Variants in SAMD4A observed in about 807,000 individuals in gnomAD.
SAMD4A encodes the protein sterile alpha motif domain containing 4A.
In SAMD4A, 33 loss-of-function variants were observed where a neutral mutation model predicts 81.3. The observed-to-expected ratio is 0.41, with a 90% CI of 0.31 to 0.54. The LOEUF is 0.54. SAMD4A is among the 20% of genes least tolerant of loss of function. SAMD4A has a pLI of 0.37. For missense variants in SAMD4A, 854 were observed against 951.1 expected (o/e 0.90, Z 1.34); for synonymous variants, 389 against 382.1 (o/e 1.02, Z -0.21).
chr14:54,718,316 T>A (rs2037173595), intron 3 of SAMD4A, among the ~76,000 whole-genome samples: 1 of 152,236 alleles, frequency 6.6e-6, no homozygotes, highest in South Asian at 2.1e-4. Context: ...AGATTTCATG[T>A]TTACTTCTTG....
intron 2 of SAMD4A, among the ~76,000 whole-genome samples, chr14:54,670,351 CAAAACCACG>C (rs2035853693): frequency 6.6e-6 from 1 of 152,100 alleles, no homozygotes; most frequent in Admixed American, 6.5e-5. Context: ...CATAAAAGAC[CAAAACCACG>C]AAATCCAGGA....
At chr14:54,574,255 G>A (rs2033218951) in intron 2 of SAMD4A, among the ~76,000 whole-genome samples, 1 of 152,218 alleles carries the variant, frequency 6.6e-6, no homozygotes, top group Non-Finnish European at 1.5e-5. Flanking sequence ...CAGTTGCTAA[G>A]TGCTGTGGTT....
chr14:54,616,152 C>T (rs2034485740), intron 2 of SAMD4A, among the ~76,000 whole-genome samples: 1 of 152,192 alleles, frequency 6.6e-6, no homozygotes, highest in Non-Finnish European at 1.5e-5. Context: ...CATAAACCTT[C>T]CCATAGGAAA....
intron 2 of SAMD4A, among the ~76,000 whole-genome samples, chr14:54,665,466 A>G (rs1292910957): frequency 6.6e-6 from 1 of 152,234 alleles, no homozygotes; most frequent in Non-Finnish European, 1.5e-5. Context: ...GCTTCTTTCA[A>G]GTTAATGGGG....
intron 2 of SAMD4A, chr14:54,693,455 G>C (rs1407440536): frequency 1.3e-5 from 2 of 152,234 alleles, no homozygotes; most frequent in Non-Finnish European, 2.9e-5. Flanking sequence ...CTAGTACTTT[G>C]GGAGGCTGAG....
In SAMD4A at chr14:54,748,723, C is replaced by T. The variant is rs997329332; in HGVS notation, c.980-92C>T. ...TCTTTTTTTTTCCTTTGACCATCAC[C>T]CTCTTTTCCTTTCTCTGTTCCTACA... On this transcript the variant is annotated intron_variant, in intron 4 of 12. Coordinates refer to ENST00000554335, the MANE Select transcript of SAMD4A (RefSeq NM_015589.6). 7.2e-6 allele frequency: 6 copies of T among 831,002 alleles called. No individual in the cohort carries two copies. In the African/African-American group the frequency reaches 8.6e-5, roughly 12 times the overall value. 51.5% of individuals were successfully genotyped at this position (831,002 alleles called of 1,614,324 possible). A position where few individuals can be genotyped will look rare whatever the true frequency, so the allele number is the denominator to read the frequency against.
At chr14:54,628,568 AG>A (rs1190220438) in intron 2 of SAMD4A, among the ~76,000 whole-genome samples, 1 of 152,136 alleles carries the variant, frequency 6.6e-6, no homozygotes, top group Non-Finnish European at 1.5e-5. Flanking sequence ...AATGCTTCCT[AG>A]GGGAGTCTTT....
intron 2 of SAMD4A, among the ~76,000 whole-genome samples, chr14:54,603,708 A>C (rs544059157): frequency 6.6e-6 from 1 of 151,964 alleles, no homozygotes; most frequent in South Asian, 2.1e-4. Context: ...GGACACTTAT[A>C]GTTCTTTTAC....
intron 2 of SAMD4A, among the ~76,000 whole-genome samples, chr14:54,589,553 G>A (rs2033718680): frequency 6.6e-6 from 1 of 152,122 alleles, no homozygotes; most frequent in Non-Finnish European, 1.5e-5. Context: ...TGTGTGGGAA[G>A]CACGTATGTC....
At position 54,727,734 on chromosome 14, in the gene SAMD4A, A is replaced by G. The variant is rs2037461373; in HGVS notation, c.716-9290A>G. Among the ~76,000 whole-genome samples, 3 of 152,260 alleles carry G rather than the reference A, an allele frequency of 2.0e-5. No homozygotes were observed. The South Asian group carries it at 6.2e-4, about 32-fold the overall frequency. Reference sequence around the variant, plus strand: ...GAGTATTGACTCAGGTTCCAAATGAATTTTAGCAATATGTGAGTTTACAAA... The same window carrying G: ...GAGTATTGACTCAGGTTCCAAATGAGTTTTAGCAATATGTGAGTTTACAAA... On this transcript the variant is annotated intron_variant, in intron 3 of 12. Transcript: ENST00000554335.
chr14:54,609,398 C>A (rs1244993729), intron 2 of SAMD4A, among the ~76,000 whole-genome samples: 1 of 152,238 alleles, frequency 6.6e-6, no homozygotes, highest in African/African-American at 2.4e-5. Flanking sequence ...ACACTTTGAT[C>A]TTAGTCCAGT....
intron 2 of SAMD4A, among the ~76,000 whole-genome samples, chr14:54,573,224 A>G (rs2033185621): frequency 6.6e-6 from 1 of 152,198 alleles, no homozygotes; most frequent in African/African-American, 2.4e-5. Context: ...TTTGTTGTGA[A>G]TAATTTGGGT....
At chr14:54,568,217 C>T (rs1594671987) in intron 2 of SAMD4A, 105 bp downstream of exon 2, 4 of 1,118,520 alleles carry the variant, frequency 3.6e-6, no homozygotes, top group Non-Finnish European at 4.8e-6. Flanking sequence ...GCCAGCCGCG[C>T]CGGGACCTGG....
chr14:54,649,151 GC>G (rs752458805), intron 2 of SAMD4A, among the ~76,000 whole-genome samples: 1 of 152,196 alleles, frequency 6.6e-6, no homozygotes, highest in East Asian at 1.9e-4. Context: ...AGCTAGACAT[GC>G]CCGTTAGATG....
At chr14:54,710,660 C>A (rs191920839) in intron 3 of SAMD4A, among the ~76,000 whole-genome samples, 1 of 152,270 alleles carries the variant, frequency 6.6e-6, no homozygotes, top group African/African-American at 2.4e-5. Context: ...GTCTCCACAG[C>A]CCACAGGTAT....
At chr14:54,762,740 A>T (rs2038434043) in intron 7 of SAMD4A, among the ~76,000 whole-genome samples, 1 of 152,190 alleles carries the variant, frequency 6.6e-6, no homozygotes, top group South Asian at 2.1e-4. Flanking sequence ...TGGAAAGTGG[A>T]AAACCACCCT....
At chr14:54,588,823 A>G (rs772688390) in intron 2 of SAMD4A, among the ~76,000 whole-genome samples, 7 of 151,856 alleles carry the variant, frequency 4.6e-5, no homozygotes, top group Non-Finnish European at 1.0e-4. Context: ...CCCATTTTGT[A>G]TATTTGATGT....
In SAMD4A at chr14:54,737,200, G is replaced by T; in HGVS notation, c.892G>T (p.Ala298Ser). 6.2e-7 allele frequency: 1 copy of T among 1,614,116 alleles called. No individual in the cohort carries two copies. Among genetic ancestry groups the T allele is most frequent in the Non-Finnish European group, 8.5e-7 (1 of 1,180,006 alleles). Residue 298 changes from alanine to serine, a missense_variant, in exon 4 of 13, where the codon GCC (alanine) becomes TCC (serine). Transcript: ENST00000554335. ...HAPLSPQSSV[A>S]SSGSGGSEHL... ...CCCCCTGTCTCCACAAAGCAGTGTA[G>T]CCTCTTCAGGAAGTGGTGGGAGTGA...
chr14:54,715,580 G>C (rs932037558), intron 3 of SAMD4A, among the ~76,000 whole-genome samples: 1 of 152,132 alleles, frequency 6.6e-6, no homozygotes, highest in Non-Finnish European at 1.5e-5. Context: ...GTGAAGGGAA[G>C]TCTGGTGGAC....
Sources: gnomAD v4.1 joint callset for allele counts (sites outside exome capture counted in the v4.1 genomes callset) on GRCh38, gnomAD v4.1.1 for gene constraint, MANE v1.5 for transcripts, NCBI Gene and HGNC (gene_info 2026-07-23, HGNC 2026-07-21) for gene names.